Variants in DAB1 observed in about 807,000 individuals in gnomAD.
The protein encoded by DAB1 is disabled homolog 1.
In DAB1, 15 loss-of-function variants were observed where a neutral mutation model predicts 64.6. That is an observed-to-expected ratio of 0.23 (90% confidence interval 0.16 to 0.36). The LOEUF (loss-of-function observed/expected upper bound fraction) is 0.36, where lower values mean the gene tolerates loss of function less well. DAB1 is among the 10% of genes least tolerant of loss of function. The pLI is 1.00. For missense variants in DAB1, 596 were observed against 706.7 expected (o/e 0.84, Z 1.78); for synonymous variants, 235 against 251.9 (o/e 0.93, Z 0.64).
intron 2 of DAB1, among the ~76,000 whole-genome samples, chr1:57,243,622 A>G (rs1300758130): frequency 1.3e-5 from 2 of 152,092 alleles, no homozygotes; most frequent in Non-Finnish European, 2.9e-5. Flanking sequence ...CTCCCATTCT[A>G]TACATCATGT....
chr1:57,157,907 T>C (rs1055984351), intron 2 of DAB1, among the ~76,000 whole-genome samples: 3 of 152,142 alleles, frequency 2.0e-5, no homozygotes, highest in African/African-American at 7.2e-5. Context: ...CTGCAACACA[T>C]TCAGAGAAGG....
chr1:57,806,052 G>A (rs1651348553), intron 6 of DAB1, among the ~76,000 whole-genome samples: 1 of 152,064 alleles, frequency 6.6e-6, no homozygotes, highest in Non-Finnish European at 1.5e-5. Flanking sequence ...TACTCCAACG[G>A]CTTCCCATTT....
chr1:57,492,117 T>C (rs558980501), intron 7 of DAB1, among the ~76,000 whole-genome samples: 13 of 152,226 alleles, frequency 8.5e-5, no homozygotes, highest in Admixed American at 6.5e-5. Flanking sequence ...TTTTCTCCAG[T>C]TGACAAAGAA....
chr1:58,407,795 A>G (rs1248155374), intron 3 of DAB1, among the ~76,000 whole-genome samples: 2 of 152,110 alleles, frequency 1.3e-5, no homozygotes, highest in East Asian at 3.8e-4. Flanking sequence ...TACCCTCTCC[A>G]TGGAGCAGCC....
chr1:57,688,568 C>T (rs754752413), intron 6 of DAB1, among the ~76,000 whole-genome samples: 4 of 152,004 alleles, frequency 2.6e-5, no homozygotes, highest in Non-Finnish European at 4.4e-5. Flanking sequence ...TTACTGGGTA[C>T]GTACCCAAAG....
chr1:57,127,464 G>A (rs973576482), intron 4 of DAB1, among the ~76,000 whole-genome samples: 7 of 152,064 alleles, frequency 4.6e-5, no homozygotes, highest in Non-Finnish European at 1.0e-4. Flanking sequence ...ACCTTGCCTC[G>A]CTTTTTTCCT....
At chr1:57,772,630 C>T (rs1649614005) in intron 6 of DAB1, among the ~76,000 whole-genome samples, 1 of 152,036 alleles carries the variant, frequency 6.6e-6, no homozygotes, top group Admixed American at 6.6e-5. Flanking sequence ...CCTTTACACT[C>T]CCACCAACAA....
chr1:57,447,543 T>C (rs1310382786), intron 7 of DAB1, among the ~76,000 whole-genome samples: 1 of 152,226 alleles, frequency 6.6e-6, no homozygotes, highest in Non-Finnish European at 1.5e-5. Context: ...GATTTACTCC[T>C]TCTGTGGGCT....
rs534143814 is a variant in DAB1 at position 57,564,898 on chromosome 1, C to A, written n.625+84694G>T. 1.7e-3 allele frequency among the ~76,000 whole-genome samples: 266 copies of A among 152,234 alleles called. 1 individual carries two copies. The highest frequency in any genetic ancestry group is 5.8e-3 in the African/African-American group (239 of 41,538). The stretch of plus-strand genomic sequence containing the variant: ...TCCCCAACTTAGCAAGGCAGGCCAA[C>A]ATTCACATTCAGGAAATACAGAGAA... On this transcript the variant is annotated intron_variant and non_coding_transcript_variant, in intron 7 of 20. Coordinates refer to the DAB1 transcript ENST00000485760.
intron 7 of DAB1, among the ~76,000 whole-genome samples, chr1:57,590,765 C>G (rs1645436865): frequency 6.6e-6 from 1 of 151,572 alleles, no homozygotes; most frequent in Admixed American, 6.6e-5. Flanking sequence ...CACACACACA[C>G]ACACACACAC....
chr1:57,057,824 G>A (rs368168161), intron 9 of DAB1, among the ~76,000 whole-genome samples: 8 of 151,978 alleles, frequency 5.3e-5, no homozygotes, highest in African/African-American at 7.2e-5. Flanking sequence ...TAGCCAGGAT[G>A]GTCTCGATCT....
At chr1:58,086,457 C>T (rs985372907) in intron 5 of DAB1, among the ~76,000 whole-genome samples, 1 of 152,174 alleles carries the variant, frequency 6.6e-6, no homozygotes, top group Non-Finnish European at 1.5e-5. Flanking sequence ...TACCCTGCCT[C>T]CTATCTGTCA....
chr1:58,440,186 G>C (rs1004191473), intron 3 of DAB1, among the ~76,000 whole-genome samples: 6 of 152,228 alleles, frequency 3.9e-5, no homozygotes, highest in African/African-American at 1.4e-4. Flanking sequence ...AAGGCCATGA[G>C]ACAGACTTTC....
intron 4 of DAB1, among the ~76,000 whole-genome samples, chr1:58,220,713 A>C (rs1204923740): frequency 6.6e-6 from 1 of 152,118 alleles, no homozygotes; most frequent in Admixed American, 6.5e-5. Flanking sequence ...CCAATTTAAA[A>C]TGGAGATAAT....
At chr1:58,053,835 A>C (rs1016076596) in intron 5 of DAB1, among the ~76,000 whole-genome samples, 2 of 152,204 alleles carry the variant, frequency 1.3e-5, no homozygotes, top group African/African-American at 4.8e-5. Flanking sequence ...AAGCTAAATC[A>C]ATGCTGTACT....
At chr1:57,697,119 G>A (rs1646853947) in intron 6 of DAB1, among the ~76,000 whole-genome samples, 1 of 151,992 alleles carries the variant, frequency 6.6e-6, no homozygotes, top group Non-Finnish European at 1.5e-5. Context: ...TTCTCACTAG[G>A]CTAGACATTT....
chr1:58,528,971 A>G (rs1440868103), intron 1 of DAB1, among the ~76,000 whole-genome samples: 1 of 152,236 alleles, frequency 6.6e-6, no homozygotes, highest in Admixed American at 6.5e-5. Flanking sequence ...TATCTTTCTT[A>G]TGACCAACTG....
At chr1:58,512,774 A>C (rs1646100498) in intron 2 of DAB1, among the ~76,000 whole-genome samples, 1 of 152,140 alleles carries the variant, frequency 6.6e-6, no homozygotes. Context: ...GTTGCTATTC[A>C]ATGGATATAA....
chr1:57,014,893 C>A lies in DAB1; in HGVS notation c.1434G>T (p.Ser478=). 1 of 1,567,710 alleles carries A rather than the reference C, an allele frequency of 6.4e-7. No individual in the cohort carries two copies. Among genetic ancestry groups the A allele is most frequent in the Non-Finnish European group, 8.7e-7 (1 of 1,154,676 alleles). ...GTGAGGGGCACTCACGTGAGTTGGT[C>A]GATGGTGTGGTAGAAGTCACAGGGG... ...NLTPVTSTTP[S]TNSPPTPAPR... is the part of the protein sequence containing the mutation. The change falls in exon 12 of 15, where the codon TCG becomes TCT. Residue 478 remains serine (S), a synonymous_variant. Coordinates refer to ENST00000371236, the MANE Select transcript of DAB1 (RefSeq NM_001365792.1).
Sources: gnomAD v4.1 joint callset for allele counts (sites outside exome capture counted in the v4.1 genomes callset) on GRCh38, gnomAD v4.1.1 for gene constraint, MANE v1.5 for transcripts, NCBI Gene and HGNC (gene_info 2026-07-23, HGNC 2026-07-21) for gene names.